The following SLC27A6 variants were observed in gnomAD, a reference collection of about 807,000 sequenced individuals.
SLC27A6 encodes the protein long-chain fatty acid transport protein 6.
SLC27A6 carries 74 observed loss-of-function variants against 63.9 expected under a neutral mutation model. That is an observed-to-expected ratio of 1.16 (90% CI 0.96 to 1.40). The LOEUF (loss-of-function observed/expected upper bound fraction) is 1.40. SLC27A6 is among the 40% of genes most tolerant of loss of function. SLC27A6 has a pLI of 0.00. For synonymous variants in SLC27A6, 287 were observed against 260.8 expected (o/e 1.10, Z -0.97); for missense variants, 794 against 732.9 (o/e 1.08, Z -0.96).
intron 5 of SLC27A6, among the ~76,000 whole-genome samples, chr5:129,018,019 A>G (rs144694088): frequency 6.6e-6 from 1 of 152,268 alleles, no homozygotes; most frequent in Admixed American, 6.5e-5. Context: ...TCCTACAGAC[A>G]TACATGTATG....
chr5:128,988,497 C>A, intron 2 of SLC27A6, 103 bp from the exon 3 acceptor site: 1 of 855,404 alleles, frequency 1.2e-6, no homozygotes, highest in Non-Finnish European at 1.8e-6. Flanking sequence ...TTATCAGTAT[C>A]ATCTTCTTTC....
At position 128,997,568 on chromosome 5, in the gene SLC27A6, G is replaced by A. The variant is rs189994553; in HGVS notation, c.969+7104G>A. ...ATATTTTGGAGTGTTTTAGAACTAT[G>A]TGTATATATTAAAGGCTTTTTATAA... On this transcript the variant is annotated intron_variant, in intron 4 of 9. Transcript: ENST00000262462. 2.7e-3 allele frequency among the ~76,000 whole-genome samples: 406 copies of A among 152,280 alleles called. 3 individuals carry two copies. The highest frequency in any genetic ancestry group is 9.3e-3 in the African/African-American group (388 of 41,560).
chr5:128,972,709 G>A (rs1313320625), intron 1 of SLC27A6, among the ~76,000 whole-genome samples: 2 of 152,088 alleles, frequency 1.3e-5, no homozygotes, highest in East Asian at 3.9e-4. Flanking sequence ...TGATGGTTTC[G>A]AACATCCCCC....
chr5:128,981,215 C>T (rs1159692962), intron 1 of SLC27A6, among the ~76,000 whole-genome samples: 1 of 152,116 alleles, frequency 6.6e-6, no homozygotes, highest in East Asian at 1.9e-4. Flanking sequence ...CGTGGTGGCT[C>T]ATGTCTATAA....
At chr5:129,018,776 A>G (rs1165026096) in intron 5 of SLC27A6, among the ~76,000 whole-genome samples, 2 of 152,144 alleles carry the variant, frequency 1.3e-5, no homozygotes, top group Admixed American at 1.3e-4. Flanking sequence ...AATAACGTCA[A>G]TCATATAAAA....
chr5:128,989,090 A>C (rs10478828), intron 3 of SLC27A6, among the ~76,000 whole-genome samples: 13,406 of 152,184 alleles, frequency 0.088, 914 homozygotes, highest in East Asian at 0.23. Context: ...TGAGTATGGA[A>C]GCTGCATAAA....
chr5:129,017,008 A>G (rs1017617560), intron 5 of SLC27A6, among the ~76,000 whole-genome samples: 7 of 152,196 alleles, frequency 4.6e-5, no homozygotes, highest in African/African-American at 1.7e-4. Flanking sequence ...GCAGGCAAAA[A>G]TAAAGATAGC....
At chr5:128,979,197 A>G (rs572334154) in intron 1 of SLC27A6, among the ~76,000 whole-genome samples, 1 of 106,770 alleles carries the variant, frequency 9.4e-6, no homozygotes, top group Non-Finnish European at 2.3e-5. Context: ...TTCATTTGAG[A>G]TTTGTTGTAT....
At chr5:129,026,901 C>G (rs918360007) in intron 6 of SLC27A6, among the ~76,000 whole-genome samples, 2 of 152,068 alleles carry the variant, frequency 1.3e-5, no homozygotes, top group Non-Finnish European at 2.9e-5. Context: ...TCTTTCCATT[C>G]AATTCCCTTT....
intron 4 of SLC27A6, among the ~76,000 whole-genome samples, chr5:129,010,244 C>T (rs1221363111): frequency 6.6e-6 from 1 of 152,096 alleles, no homozygotes; most frequent in Non-Finnish European, 1.5e-5. Flanking sequence ...TGAGGTATAG[C>T]AGTAGTTCAT....
At chr5:128,975,179 C>G (rs1211692374) in intron 1 of SLC27A6, among the ~76,000 whole-genome samples, 1 of 152,060 alleles carries the variant, frequency 6.6e-6, no homozygotes, top group Non-Finnish European at 1.5e-5. Context: ...GGCAAAACCC[C>G]GTCTCTACTA....
chr5:129,020,747 GAC>G (rs1752047568), intron 5 of SLC27A6, among the ~76,000 whole-genome samples: 1 of 151,992 alleles, frequency 6.6e-6, no homozygotes, highest in Admixed American at 6.6e-5. Flanking sequence ...TCCCATTTCT[GAC>G]ACAATTTCAG....
chr5:128,998,551 C>A (rs1258141429), intron 4 of SLC27A6, among the ~76,000 whole-genome samples: 1 of 151,678 alleles, frequency 6.6e-6, no homozygotes, highest in Non-Finnish European at 1.5e-5. Context: ...AGTGGCTTGT[C>A]ACAAAAAGAC....
rs915495616 is a variant in SLC27A6, at chr5:129,007,882, T to C, written c.970-8003T>C. 7.9e-5 allele frequency among the ~76,000 whole-genome samples: 12 copies of C among 152,148 alleles called. No individual in the cohort carries two copies. In the South Asian group the frequency reaches 1.4e-3, roughly 18 times the overall value. Reference sequence around the variant, plus strand: ...CAAAAACAGGTGATGAAGGGGTAAATTGTGGTATAATTATATGATAATCAA... The same window carrying C: ...CAAAAACAGGTGATGAAGGGGTAAACTGTGGTATAATTATATGATAATCAA... On this transcript the variant is annotated intron_variant, in intron 4 of 9. Coordinates refer to ENST00000262462, the MANE Select transcript of SLC27A6 (RefSeq NM_001017372.3).
intron 2 of SLC27A6, among the ~76,000 whole-genome samples, 178 bp from the exon 3 acceptor site, chr5:128,988,422 A>G (rs1287735029): frequency 6.6e-6 from 1 of 152,234 alleles, no homozygotes; most frequent in Non-Finnish European, 1.5e-5. Context: ...TAAAGTCAGA[A>G]TGGCCTCTTT....
intron 4 of SLC27A6, among the ~76,000 whole-genome samples, chr5:129,008,691 G>T (rs1751627701): frequency 6.6e-6 from 1 of 152,098 alleles, no homozygotes; most frequent in Admixed American, 6.5e-5. Context: ...AACTGCTGTG[G>T]GTTATATTTA....
intron 1 of SLC27A6, among the ~76,000 whole-genome samples, chr5:128,968,227 T>C (rs1426598842): frequency 6.6e-6 from 1 of 152,136 alleles, no homozygotes; most frequent in African/African-American, 2.4e-5. Context: ...AACATACATG[T>C]GTGTGTGTCT....
At chr5:129,032,689 G>T (rs1181901399) in intron 9 of SLC27A6, among the ~76,000 whole-genome samples, 1 of 151,944 alleles carries the variant, frequency 6.6e-6, no homozygotes, top group Non-Finnish European at 1.5e-5. Context: ...ACCCCGTCTG[G>T]CTCTTATAGT....
chr5:128,974,356 G>C (rs1035630163), intron 1 of SLC27A6, among the ~76,000 whole-genome samples: 4 of 152,142 alleles, frequency 2.6e-5, no homozygotes, highest in African/African-American at 9.7e-5. Context: ...TTAGTTGATT[G>C]GCTCGGTAAG....
Sources: allele counts gnomAD v4.1 joint callset (sites outside exome capture counted in the v4.1 genomes callset), GRCh38; gene constraint gnomAD v4.1.1; transcripts MANE v1.5; gene names NCBI Gene and HGNC (gene_info 2026-07-23, HGNC 2026-07-21).